SHC3: variants seen among roughly 807,000 people sequenced by gnomAD.
SHC3 encodes SHC adaptor protein 3, also known as SHC-transforming protein 3.
In SHC3, 15 loss-of-function variants were observed where a neutral mutation model predicts 60.4. The ratio of observed to expected loss-of-function variants is 0.25; its 90% CI spans 0.17 to 0.38. The LOEUF (loss-of-function observed/expected upper bound fraction) is 0.38. SHC3 is among the 10% of genes least tolerant of loss of function. The probability of loss-of-function intolerance (pLI) is 1.00; values close to 1 mark genes in which losing one functional copy is unlikely to be tolerated. For synonymous variants in SHC3, 294 were observed against 325.9 expected, an observed-to-expected ratio of 0.90 and a Z score of 1.05; for missense variants, 677 against 786.1, an observed-to-expected ratio of 0.86 and a Z score of 1.66.
chr9:89,099,502 T>C (rs1015029897), intron 2 of SHC3, among the ~76,000 whole-genome samples: 4 of 152,210 alleles, frequency 2.6e-5, no homozygotes, highest in African/African-American at 7.2e-5. Context: ...TTATTTCCAG[T>C]ATTTTCTTCC....
chr9:89,077,043 G>A (rs1394288264), intron 3 of SHC3, among the ~76,000 whole-genome samples: 1 of 151,990 alleles, frequency 6.6e-6, no homozygotes. Context: ...TGGGCATGGT[G>A]GCGCACACCT....
At chr9:89,042,307 T>G in intron 9 of SHC3, 123 bp from the exon 10 acceptor site, 2 of 1,074,926 alleles carry the variant, frequency 1.9e-6, no homozygotes, top group Non-Finnish European at 2.6e-6. Flanking sequence ...TTCCTATGGG[T>G]GATATTCTCC....
intron 1 of SHC3, among the ~76,000 whole-genome samples, chr9:89,161,797 A>C (rs572907684): frequency 3.4e-5 from 5 of 146,672 alleles, no homozygotes; most frequent in South Asian, 2.2e-4. Context: ...AGAGGAAGTC[A>C]AATTGTCCCT....
intron 11 of SHC3, among the ~76,000 whole-genome samples, chr9:89,023,619 A>C (rs1023208985): frequency 1.3e-5 from 2 of 152,178 alleles, no homozygotes; most frequent in African/African-American, 4.8e-5. Context: ...TACTTTCCAG[A>C]AATTCAGTAG....
chr9:89,173,799 A>C (rs930511639), intron 1 of SHC3, among the ~76,000 whole-genome samples: 2 of 152,162 alleles, frequency 1.3e-5, no homozygotes, highest in Non-Finnish European at 2.9e-5. Context: ...GTGTCACATA[A>C]AAAGAGACAA....
At chr9:89,092,214 G>A (rs1825631454) in intron 2 of SHC3, among the ~76,000 whole-genome samples, 1 of 152,204 alleles carries the variant, frequency 6.6e-6, no homozygotes, top group South Asian at 2.1e-4. Flanking sequence ...CAGCACAGAA[G>A]GGTGTAGGGA....
At chr9:89,109,296 C>T (rs1825911584) in intron 2 of SHC3, 2 of 764,662 alleles carry the variant, frequency 2.6e-6, no homozygotes, top group Non-Finnish European at 1.6e-6. Flanking sequence ...GAAGGGGGTC[C>T]CTCCTCCGGT....
rs1826984203 is a variant in SHC3 at position 89,178,567 on chromosome 9, G to A, written c.-107C>T. ...CACTGTCCCCGGAGCGGGACGGAGA[G>A]TGGGGGCCCCGGGACAGCCTTCTGG... is the stretch of plus-strand genomic sequence containing the variant. On this transcript the variant is annotated 5_prime_UTR_variant, in exon 1 of 12. Coordinates refer to ENST00000375835, the MANE Select transcript of SHC3 (RefSeq NM_016848.6). The surrounding 1 kb of genome is among the most constrained non-coding windows in gnomAD (Gnocchi z 6.9). 2 of 1,158,080 alleles carry A rather than the reference G, an allele frequency of 1.7e-6. No homozygotes were observed. Among genetic ancestry groups the A allele is most frequent in the African/African-American group, 1.6e-5 (1 of 61,972 alleles). The allele number at this position is 1,158,080 out of a possible 1,614,324, so 71.7% of individuals were successfully genotyped here.
At chr9:89,161,065 G>A (rs541365657) in intron 1 of SHC3, among the ~76,000 whole-genome samples, 2 of 152,266 alleles carry the variant, frequency 1.3e-5, no homozygotes, top group African/African-American at 4.8e-5. Flanking sequence ...ATTTAACACG[G>A]GCTCCTGCTC....
At chr9:89,121,394 G>A (rs1306797519) in intron 1 of SHC3, among the ~76,000 whole-genome samples, 2 of 151,972 alleles carry the variant, frequency 1.3e-5, no homozygotes, top group African/African-American at 4.8e-5. Flanking sequence ...GGGTTCAAGC[G>A]ATTCTCCTGC....
intron 1 of SHC3, among the ~76,000 whole-genome samples, chr9:89,147,164 TA>T (rs35036787): frequency 0.92 from 136,925 of 149,582 alleles, 62,740 homozygotes; most frequent in East Asian, 0.98. Flanking sequence ...ACTGGCAAAA[TA>T]AAAAAAAAAT....
chr9:89,058,376 T>C (rs1435354240), intron 6 of SHC3, among the ~76,000 whole-genome samples: 1 of 137,432 alleles, frequency 7.3e-6, no homozygotes, highest in African/African-American at 2.8e-5. Context: ...TGGAGGATGG[T>C]GGCATAGGAT....
At chr9:89,035,569 T>C (rs936258382) in intron 11 of SHC3, among the ~76,000 whole-genome samples, 1 of 152,080 alleles carries the variant, frequency 6.6e-6, no homozygotes, top group Admixed American at 6.5e-5. Context: ...GAACTTAGTA[T>C]GTTTCAGAAG....
chr9:89,060,562 A>T (rs1465905602), intron 6 of SHC3, among the ~76,000 whole-genome samples: 2 of 152,008 alleles, frequency 1.3e-5, no homozygotes, highest in African/African-American at 4.8e-5. Flanking sequence ...GTCAAGGAAG[A>T]CCCAGAAGCC....
chr9:89,114,071 T>G (rs937773256), intron 1 of SHC3, among the ~76,000 whole-genome samples: 3 of 152,158 alleles, frequency 2.0e-5, no homozygotes, highest in Admixed American at 2.0e-4. Context: ...CAAAGTTATA[T>G]GAATACTACA....
Position 89,012,362 on chromosome 9 carries a change from C to T in SHC3, c.*1085G>A, listed in dbSNP as rs1826023776. The T allele has an allele frequency of 6.6e-6, 1 of 152,204 alleles. No homozygotes were observed. Among genetic ancestry groups the T allele is most frequent in the African/African-American group, 2.4e-5 (1 of 41,438 alleles). The allele number at this position is 152,204 out of a possible 1,614,324, so 9.4% of individuals were successfully genotyped here. ...TTGTTGGGACAGCAGGCCTTTCCCCCATCCCTCATGCCAGAGGCAGTACCT... is the reference window on the plus strand; with the variant it reads ...TTGTTGGGACAGCAGGCCTTTCCCCTATCCCTCATGCCAGAGGCAGTACCT... On this transcript the variant is annotated 3_prime_UTR_variant, in exon 12 of 12. Transcript: ENST00000375835.
At chr9:89,046,556 C>T (rs1424096166) in intron 8 of SHC3, among the ~76,000 whole-genome samples, 1 of 152,192 alleles carries the variant, frequency 6.6e-6, no homozygotes, top group Non-Finnish European at 1.5e-5. Context: ...CTTTCCCTCA[C>T]TGAGATCACA....
intron 1 of SHC3, among the ~76,000 whole-genome samples, chr9:89,127,785 C>A (rs923152565): frequency 6.6e-6 from 1 of 151,956 alleles, no homozygotes; most frequent in Non-Finnish European, 1.5e-5. Flanking sequence ...CTCCACCCCC[C>A]CCCACCACTG....
intron 1 of SHC3, among the ~76,000 whole-genome samples, chr9:89,143,877 C>T (rs573809740): frequency 8.1e-4 from 123 of 152,170 alleles, no homozygotes; most frequent in Non-Finnish European, 1.6e-3. Flanking sequence ...CATTTTCAGG[C>T]GAGAGGGAAG....
Sources: allele counts gnomAD v4.1 joint callset (sites outside exome capture counted in the v4.1 genomes callset), GRCh38; gene constraint gnomAD v4.1.1; non-coding constraint Gnocchi (gnomAD v3.1); transcripts MANE v1.5; gene names NCBI Gene and HGNC (gene_info 2026-07-23, HGNC 2026-07-21).